The following LRRTM4 variants were observed in gnomAD, a reference collection of about 807,000 sequenced individuals.
The protein encoded by LRRTM4 is leucine-rich repeat transmembrane neuronal protein 4.
A neutral mutation model predicts 47.6 loss-of-function variants in LRRTM4; 25 were observed. The ratio of observed to expected loss-of-function variants is 0.53; its 90% CI spans 0.38 to 0.73. LRRTM4 has a LOEUF of 0.73. Among genes scored for constraint, LRRTM4 ranks in the 30% least tolerant of loss-of-function variants. The pLI is 0.00. For missense variants in LRRTM4, 638 were observed against 713.4 expected (o/e 0.89, Z 1.20); for synonymous variants, 311 against 269.5 (o/e 1.15, Z -1.51).
At chr2:77,083,008 T>G (rs1219063267) in intron 3 of LRRTM4, among the ~76,000 whole-genome samples, 1 of 152,028 alleles carries the variant, frequency 6.6e-6, no homozygotes, top group Non-Finnish European at 1.5e-5. Context: ...GTTTTCTTGT[T>G]TTATCAATTT....
At chr2:76,953,407 A>G (rs1212553840) in intron 3 of LRRTM4, among the ~76,000 whole-genome samples, 1 of 151,934 alleles carries the variant, frequency 6.6e-6, no homozygotes, top group African/African-American at 2.4e-5. Flanking sequence ...CAAAAATGCT[A>G]TTTTATTTCA....
intron 3 of LRRTM4, among the ~76,000 whole-genome samples, chr2:77,097,152 T>C (rs1260666393): frequency 6.6e-6 from 1 of 151,922 alleles, no homozygotes; most frequent in Non-Finnish European, 1.5e-5. Flanking sequence ...AGAATTTTTA[T>C]ATAATGATAA....
intron 3 of LRRTM4, among the ~76,000 whole-genome samples, chr2:77,407,147 T>C (rs1573371970): frequency 6.6e-6 from 1 of 152,168 alleles, no homozygotes; most frequent in Non-Finnish European, 1.5e-5. Context: ...TATCTGCCCA[T>C]TTGCTTTCTG....
At chr2:77,049,511 T>C (rs1394869776) in intron 3 of LRRTM4, among the ~76,000 whole-genome samples, 1 of 151,952 alleles carries the variant, frequency 6.6e-6, no homozygotes, top group Non-Finnish European at 1.5e-5. Context: ...TGGTATCTCA[T>C]TCTGATTTTG....
At position 77,414,323 on chromosome 2, in the gene LRRTM4, T is replaced by C. The variant is rs140944478; in HGVS notation, c.1551+103995A>G. 7.1e-3 allele frequency among the ~76,000 whole-genome samples: 1,088 copies of C among 152,290 alleles called. 9 individuals carry two copies. Among genetic ancestry groups the C allele is most frequent in the Non-Finnish European group, 0.01 (696 of 68,018 alleles). On this transcript the variant is annotated intron_variant, in intron 3 of 3. Transcript: ENST00000409884. ...TTGGCTTCAAGGCAAGACAAACAGCTACACAGAGAGTTGTAATTTAGTCTG... is the reference window on the plus strand; with the variant it reads ...TTGGCTTCAAGGCAAGACAAACAGCCACACAGAGAGTTGTAATTTAGTCTG...
At chr2:76,816,024 C>T (rs1670886697) in intron 3 of LRRTM4, among the ~76,000 whole-genome samples, 2 of 151,922 alleles carry the variant, frequency 1.3e-5, no homozygotes, top group Non-Finnish European at 2.9e-5. Context: ...ATTCCTTAGA[C>T]TCATGTCTCT....
chr2:77,078,139 G>A (rs1262919650), intron 3 of LRRTM4, among the ~76,000 whole-genome samples: 1 of 152,088 alleles, frequency 6.6e-6, no homozygotes, highest in Non-Finnish European at 1.5e-5. Flanking sequence ...AAAGCAATAA[G>A]CAACATTGTC....
chr2:76,945,347 T>C (rs1370359193), intron 3 of LRRTM4, among the ~76,000 whole-genome samples: 2 of 152,196 alleles, frequency 1.3e-5, no homozygotes, highest in East Asian at 1.9e-4. Flanking sequence ...AACAACTTTT[T>C]CACTGTTGTG....
intron 3 of LRRTM4, among the ~76,000 whole-genome samples, chr2:77,429,784 T>A (rs927221736): frequency 6.6e-6 from 1 of 152,218 alleles, no homozygotes; most frequent in African/African-American, 2.4e-5. Context: ...TCAAGAAATC[T>A]GCCAGGTGGG....
chr2:77,076,048 G>C (rs1385224326), intron 3 of LRRTM4, among the ~76,000 whole-genome samples: 3 of 150,848 alleles, frequency 2.0e-5, no homozygotes, highest in Non-Finnish European at 2.9e-5. Context: ...CTTTCTCCTA[G>C]CACTATGTTG....
At chr2:77,041,111 C>A (rs1329317412) in intron 3 of LRRTM4, among the ~76,000 whole-genome samples, 2 of 151,518 alleles carry the variant, frequency 1.3e-5, no homozygotes, top group Admixed American at 6.6e-5. Flanking sequence ...GGTAACCAAT[C>A]TCCTGCTTTC....
intron 3 of LRRTM4, among the ~76,000 whole-genome samples, chr2:77,100,414 G>A (rs1288306961): frequency 6.6e-6 from 1 of 152,154 alleles, no homozygotes; most frequent in Non-Finnish European, 1.5e-5. Flanking sequence ...GGAGCGCATT[G>A]CCTCCGAGTT....
chr2:76,795,990 T>A (rs1176102151), intron 3 of LRRTM4, among the ~76,000 whole-genome samples: 1 of 144,870 alleles, frequency 6.9e-6, no homozygotes, highest in Non-Finnish European at 1.5e-5. Context: ...GGGCGAGGCA[T>A]TGCCTCACTT....
intron 3 of LRRTM4, among the ~76,000 whole-genome samples, chr2:77,223,877 AC>A (rs1486370765): frequency 1.3e-5 from 2 of 152,202 alleles, no homozygotes; most frequent in Non-Finnish European, 2.9e-5. Flanking sequence ...TTCATATGGA[AC>A]CAAAAAAGAG....
In LRRTM4 at chr2:77,025,007, T is replaced by G. The variant is rs1281664303; in HGVS notation, c.1552-276091A>C. On this transcript the variant is annotated intron_variant, in intron 3 of 3. Coordinates refer to ENST00000409884, the MANE Select transcript of LRRTM4 (RefSeq NM_001134745.3). ...AGAATCTTGATCTATATTTTTGTAA[T>G]TTTAAAACTTTCAACAAGTCAAAGC... Among the ~76,000 whole-genome samples, 3 of 152,240 alleles carry G rather than the reference T, an allele frequency of 2.0e-5. No individual in the cohort carries two copies. The East Asian group carries it at 5.8e-4, about 29-fold the overall frequency.
intron 3 of LRRTM4, among the ~76,000 whole-genome samples, chr2:77,093,469 T>C (rs1558576722): frequency 6.6e-6 from 1 of 151,310 alleles, no homozygotes; most frequent in Non-Finnish European, 1.5e-5. Flanking sequence ...ATCCCCACAA[T>C]ATCACCCCTT....
chr2:77,068,722 T>G (rs1680044600), intron 3 of LRRTM4, among the ~76,000 whole-genome samples: 1 of 152,224 alleles, frequency 6.6e-6, no homozygotes, highest in Non-Finnish European at 1.5e-5. Context: ...TTGATTGACA[T>G]TTGAGGTGTG....
chr2:76,885,098 T>A (rs1673032432), intron 3 of LRRTM4, among the ~76,000 whole-genome samples: 1 of 151,974 alleles, frequency 6.6e-6, no homozygotes, highest in Non-Finnish European at 1.5e-5. Context: ...GTTGACTGAT[T>A]TTCTTCTTTA....
intron 3 of LRRTM4, among the ~76,000 whole-genome samples, chr2:76,789,804 CATTTTATT>C (rs1674875177): frequency 6.6e-6 from 1 of 152,068 alleles, no homozygotes; most frequent in Non-Finnish European, 1.5e-5. Flanking sequence ...GGTGTCTTCC[CATTTTATT>C]ATTTTTTCCA....
Sources: allele counts gnomAD v4.1 joint callset (sites outside exome capture counted in the v4.1 genomes callset), GRCh38; gene constraint gnomAD v4.1.1; transcripts MANE v1.5; gene names NCBI Gene and HGNC (gene_info 2026-07-23, HGNC 2026-07-21).